FAN1: variants seen among roughly 807,000 people sequenced by gnomAD.
FAN1 encodes fanconi-associated nuclease 1.
FAN1 carries 91 observed loss-of-function variants against 104.9 expected under a neutral mutation model. The observed-to-expected ratio is 0.87, with a 90% confidence interval of 0.73 to 1.03. The LOEUF (loss-of-function observed/expected upper bound fraction) is 1.03. Among genes scored for constraint, FAN1 ranks in the 50% least tolerant of loss-of-function variants. The probability of loss-of-function intolerance (pLI) is 0.00; values close to 1 mark genes in which losing one functional copy is unlikely to be tolerated. For synonymous variants in FAN1, 478 were observed against 457.6 expected (o/e 1.04, Z -0.57); for missense variants, 1,263 against 1,239.9 (o/e 1.02, Z -0.28).
intron 12 of FAN1, among the ~76,000 whole-genome samples, 162 bp from the exon 13 acceptor site, chr15:30,930,376 GGCTCT>G (rs900865378): frequency 1.3e-5 from 2 of 152,196 alleles, no homozygotes; most frequent in African/African-American, 4.8e-5. Context: ...TTCCAGCCAT[GGCTCT>G]GCAGCTCTGG....
chr15:30,906,759 T>A (rs556026285), intron 2 of FAN1, among the ~76,000 whole-genome samples: 17 of 151,900 alleles, frequency 1.1e-4, no homozygotes, highest in African/African-American at 4.1e-4. Flanking sequence ...CTTTTTAACA[T>A]GTGAGCGATA....
At chr15:30,913,683 C>T (rs1010786919) in intron 4 of FAN1, among the ~76,000 whole-genome samples, 175 bp from the exon 5 acceptor site, 2 of 152,184 alleles carry the variant, frequency 1.3e-5, no homozygotes, top group Non-Finnish European at 2.9e-5. Flanking sequence ...GATGTACATT[C>T]ATTTACTCCT....
intron 5 of FAN1, among the ~76,000 whole-genome samples, chr15:30,914,862 C>T (rs2062169910): frequency 6.6e-6 from 1 of 152,090 alleles, no homozygotes; most frequent in Non-Finnish European, 1.5e-5. Flanking sequence ...TTTATATTGG[C>T]ACACGGATTT....
In FAN1 at chr15:30,904,773, C is replaced by T. The variant is rs1369996886; in HGVS notation, c.110C>T (p.Ala37Val). ...SNSIISCFNN[A>V]PPAKLACPVC... ...TCTATTATTTCGTGTTTTAACAATG[C>T]ACCACCTGCTAAACTTGCCTGCCCC... is the stretch of plus-strand genomic sequence containing the variant. Residue 37 changes from alanine (A) to valine (V), a missense_variant, in exon 2 of 15, where the codon GCA becomes GTA. Coordinates refer to ENST00000362065, the MANE Select transcript of FAN1 (RefSeq NM_014967.5). 1.2e-6 allele frequency: 2 copies of T among 1,613,524 alleles called. No homozygotes were observed. Among genetic ancestry groups the T allele is most frequent in the Non-Finnish European group, 8.5e-7 (1 of 1,179,518 alleles).
At position 30,913,957 on chromosome 15, in the gene FAN1, A is replaced by G. The variant is rs1169726960; in HGVS notation, c.1677A>G (p.Glu559=). The G allele has an allele frequency of 3.1e-6, 5 of 1,614,220 alleles. No homozygotes were observed. Among genetic ancestry groups the G allele is most frequent in the Non-Finnish European group, 4.2e-6 (5 of 1,180,026 alleles). Residue 559 remains glutamate (E), a synonymous_variant, in exon 5 of 15, where the codon GAA becomes GAG. Coordinates refer to ENST00000362065, the MANE Select transcript of FAN1 (RefSeq NM_014967.5). ...LLLFSLTDSM[E]DEDAACGGQG... ...TGTTTTCGTTGACCGACTCAATGGA[A>G]GATGAAGACGCCGCTTGTGGAGGTC...
At chr15:30,928,295 G>C in intron 10 of FAN1, 1 of 1,266,216 alleles carries the variant, frequency 7.9e-7, no homozygotes, top group Non-Finnish European at 9.9e-7. Context: ...CCACTGCTTT[G>C]TGGCTTTGAA....
intron 4 of FAN1, 121 bp from the exon 5 acceptor site, chr15:30,913,736 AT>A: frequency 1.5e-6 from 1 of 671,674 alleles, no homozygotes; most frequent in South Asian, 1.9e-5. Flanking sequence ...CAGTTAAGTA[AT>A]GCTCCAGTGT....
At position 30,941,620 on chromosome 15, in the gene FAN1, G is replaced by A; in HGVS notation, c.*58G>A. ...AGGAGAGAAACTCCGGTGTCCCCGA[G>A]GTGTCGGTGTGGTGAGGGCCGCTGG... On this transcript the variant is annotated 3_prime_UTR_variant, in exon 15 of 15. Transcript: ENST00000362065. 1 of 1,604,716 alleles carries A rather than the reference G, an allele frequency of 6.2e-7. No individual in the cohort carries two copies. Among genetic ancestry groups the A allele is most frequent in the Non-Finnish European group, 8.5e-7 (1 of 1,175,412 alleles).
chr15:30,929,306 G>A lies in FAN1; in HGVS notation c.2696G>A (p.Arg899Gln), dbSNP rs776135449. ...CATGATGCCCCCGAGGAGAGCCTGC[G>A]GGCCTGGGTGGCAGCCACGTGGCAT... ...LIHDAPEESL[R>Q]AWVAATWHEQ... is the part of the protein sequence containing the mutation. The change falls in exon 12 of 15, where the codon CGG becomes CAG. Residue 899 changes from arginine (R) to glutamine (Q), a missense_variant. Around this residue, in one of 2 missense-constraint regions of FAN1, gnomAD observed 581 missense variants for 668.8 expected, o/e 0.87. Transcript: ENST00000362065. The A allele has an allele frequency of 5.2e-5, 84 of 1,612,708 alleles. No individual in the cohort carries two copies. Among genetic ancestry groups the A allele is most frequent in the Middle Eastern group, 1.6e-4 (1 of 6,080 alleles).
intron 13 of FAN1, among the ~76,000 whole-genome samples, chr15:30,931,246 C>T (rs1342335262): frequency 6.6e-6 from 1 of 151,718 alleles, no homozygotes; most frequent in Non-Finnish European, 1.5e-5. Context: ...CTTCCTTGAA[C>T]GCTGTCCACT....
At chr15:30,933,094 TTG>T (rs527415013) in intron 13 of FAN1, among the ~76,000 whole-genome samples, 2 of 152,142 alleles carry the variant, frequency 1.3e-5, no homozygotes, top group Non-Finnish European at 2.9e-5. Context: ...TATTGGTAAT[TTG>T]TGTCTTTTCT....
intron 14 of FAN1, among the ~76,000 whole-genome samples, chr15:30,938,381 TTG>T (rs1169098556): frequency 1.3e-5 from 2 of 152,164 alleles, no homozygotes; most frequent in Non-Finnish European, 2.9e-5. Flanking sequence ...TCTCATGAAG[TTG>T]TGTTGATTTA....
rs745822183 is a variant in FAN1, at chr15:30,905,399, C to T, written c.736C>T (p.Arg246Trp). 2.2e-5 allele frequency: 36 copies of T among 1,614,064 alleles called. 1 individual carries two copies. The highest frequency in any genetic ancestry group is 1.1e-4 in the East Asian group (5 of 44,886). ...IMEAESQKAT[R>W]ECEKSALTPG... is the part of the protein sequence containing the mutation. Reference sequence around the variant, plus strand: ...GGAAGCCGAAAGCCAAAAGGCTACCCGGGAATGTGAGAAATCAGCCCTCAC... The same window carrying T: ...GGAAGCCGAAAGCCAAAAGGCTACCTGGGAATGTGAGAAATCAGCCCTCAC... Residue 246 changes from arginine to tryptophan, a missense_variant, in exon 2 of 15, where the codon CGG becomes TGG. Coordinates refer to ENST00000362065, the MANE Select transcript of FAN1 (RefSeq NM_014967.5).
At chr15:30,935,479 C>A (rs534782762) in intron 13 of FAN1, among the ~76,000 whole-genome samples, 1 of 151,786 alleles carries the variant, frequency 6.6e-6, no homozygotes, top group African/African-American at 2.4e-5. Flanking sequence ...CAACAATAAA[C>A]AAATCAAATA....
chr15:30,906,145 C>G (rs1195672027), intron 2 of FAN1, among the ~76,000 whole-genome samples: 1 of 152,176 alleles, frequency 6.6e-6, no homozygotes, highest in Non-Finnish European at 1.5e-5. Context: ...TTGGAAGCAG[C>G]TGTTTTTCTT....
rs534634675 is a variant in FAN1 at position 30,936,838 on chromosome 15, CACTGCTGCTG to C, written c.2917-280_2917-271del. On this transcript the variant is annotated intron_variant, in intron 13 of 14. Transcript: ENST00000362065. Reference sequence around the variant, plus strand: ...ATGTGGCTGACTGGGAGCTGTGGCTCACTGCTGCTGCCCAGCATGGAGTATCATACTGGGA... The same window carrying C: ...ATGTGGCTGACTGGGAGCTGTGGCTCCCCAGCATGGAGTATCATACTGGGA... Among the ~76,000 whole-genome samples, 9,727 of 152,248 alleles carry C rather than the reference CACTGCTGCTG, an allele frequency of 0.064. 426 individuals are homozygous for C. The highest frequency in any genetic ancestry group is 0.13 in the Admixed American group (2,037 of 15,296).
chr15:30,925,228 C>T lies in FAN1; in HGVS notation c.2274C>T (p.Ser758=), dbSNP rs757102819. ...QRAVRLRESP[S]CKKFKHLFQQ... ...CCGTGCGCCTGCGAGAGTCTCCGAG[C>T]TGTAAAAAGTTCAAGCACCTCTTCC... Residue 758 remains serine (S), a synonymous_variant, in exon 9 of 15, where the codon AGC becomes AGT. Transcript: ENST00000362065. 2.7e-5 allele frequency: 43 copies of T among 1,613,986 alleles called. No homozygotes were observed. Among genetic ancestry groups the T allele is most frequent in the Non-Finnish European group, 3.6e-5 (43 of 1,180,022 alleles).
At chr15:30,912,286 G>A in intron 4 of FAN1, among the ~76,000 whole-genome samples, 1 of 152,184 alleles carries the variant, frequency 6.6e-6, no homozygotes, top group Non-Finnish European at 1.5e-5. Flanking sequence ...GTCCCTGCCA[G>A]CCCCACGCTA....
Position 30,922,367 on chromosome 15 carries a change from A to G in FAN1, c.2172+13A>G, listed in dbSNP as rs2140929576. ...GCGCCTGGAACCGGTACTCAGTAACAAAACATATCTGAAACACCTTTTCAT... is the reference window on the plus strand; with the variant it reads ...GCGCCTGGAACCGGTACTCAGTAACGAAACATATCTGAAACACCTTTTCAT... On this transcript the variant is annotated intron_variant, in intron 8 of 14. Transcript: ENST00000362065. 1.3e-6 allele frequency: 2 copies of G among 1,585,786 alleles called. No homozygotes were observed. Among genetic ancestry groups the G allele is most frequent in the East Asian group, 4.5e-5 (2 of 44,766 alleles).
Sources: allele counts gnomAD v4.1 joint callset (sites outside exome capture counted in the v4.1 genomes callset), GRCh38; gene constraint gnomAD v4.1.1; regional missense constraint gnomAD v4.1.1; transcripts MANE v1.5; gene names NCBI Gene and HGNC (gene_info 2026-07-23, HGNC 2026-07-21).